Variants in CBFA2T3 observed in about 807,000 individuals in gnomAD.
CBFA2T3 encodes CBFA2/RUNX1 partner transcriptional co-repressor 3.
CBFA2T3 carries 31 observed loss-of-function variants against 58.6 expected under a neutral mutation model. The ratio of observed to expected loss-of-function variants is 0.53; its 90% confidence interval spans 0.40 to 0.71. The LOEUF (loss-of-function observed/expected upper bound fraction) is 0.71. Ranked by LOEUF, CBFA2T3 falls within the 30% of genes least tolerant of loss-of-function variation. The pLI, the probability that CBFA2T3 is intolerant of heterozygous loss-of-function variation, is 0.00. For synonymous variants in CBFA2T3, 531 were observed against 421.9 expected, an observed-to-expected ratio of 1.26 and a Z score of -3.17; for missense variants, 1,076 against 963.1, an observed-to-expected ratio of 1.12 and a Z score of -1.55.
Position 88,898,079 on chromosome 16 carries a change from GAGAC to G in CBFA2T3, c.374_377del (p.Cys125SerfsTer2). On this transcript the variant is annotated frameshift_variant and splice_region_variant, in exon 3 of 12. Transcript: ENST00000268679. LOFTEE classifies it high-confidence loss of function. Reference sequence around the variant, plus strand: ...TGCGGTTTTTGTTATTTTACTTACAGAGACAGACCATAGACCATTTTAAGCAGCC... The same window carrying G: ...TGCGGTTTTTGTTATTTTACTTACAGAGACCATAGACCATTTTAAGCAGCC... The G allele has an allele frequency of 6.2e-7, 1 of 1,610,968 alleles. No homozygotes were observed. Among genetic ancestry groups the G allele is most frequent in the Non-Finnish European group, 8.5e-7 (1 of 1,177,826 alleles).
intron 1 of CBFA2T3, among the ~76,000 whole-genome samples, chr16:88,957,437 G>A (rs572105353): frequency 2.0e-5 from 3 of 152,288 alleles, no homozygotes; most frequent in East Asian, 3.9e-4. Context: ...AAACGGGGTC[G>A]GAGCTTGCAC....
chr16:88,890,883 T>C (rs1969603641), intron 5 of CBFA2T3, among the ~76,000 whole-genome samples: 1 of 152,090 alleles, frequency 6.6e-6, no homozygotes, highest in African/African-American at 2.4e-5. Flanking sequence ...TCAGCTAATT[T>C]TTATATTTTT....
Position 88,976,957 on chromosome 16 carries a change from A to G in CBFA2T3, c.-150T>C. 2 of 956,034 alleles carry G rather than the reference A, an allele frequency of 2.1e-6. No individual in the cohort carries two copies. The highest frequency in any genetic ancestry group is 3.0e-6 in the Non-Finnish European group (2 of 664,822). The allele number at this position is 956,034 out of a possible 1,614,324, so 59.2% of individuals were successfully genotyped here. On this transcript the variant is annotated 5_prime_UTR_variant, in exon 1 of 12. Transcript: ENST00000268679. The stretch of plus-strand genomic sequence containing the variant: ...TTGGGCCTCTGTCCCTGGAAAGCCG[A>G]GGCCCTCCCGGCCACCAACTGGGTG...
chr16:88,892,897 G>A (rs1043015047), intron 3 of CBFA2T3, among the ~76,000 whole-genome samples: 2 of 152,170 alleles, frequency 1.3e-5, no homozygotes, highest in Non-Finnish European at 2.9e-5. Context: ...CTTGCTCTGG[G>A]GCTGAAGTCA....
At chr16:88,896,730 G>A (rs534893960) in intron 3 of CBFA2T3, among the ~76,000 whole-genome samples, 20 of 152,310 alleles carry the variant, frequency 1.3e-4, no homozygotes, top group African/African-American at 4.6e-4. Flanking sequence ...CAGGACTGTG[G>A]ACCTTCCAGC....
Position 88,931,009 on chromosome 16 carries a change from G to A in CBFA2T3, c.152-29353C>T, listed in dbSNP as rs539151296. The stretch of plus-strand genomic sequence containing the variant: ...CTCCACGATGCTTAAAATGATAAAC[G>A]TTATGTGTATTTTCCCACAATTAAA... On this transcript the variant is annotated intron_variant, in intron 1 of 11. Transcript: ENST00000268679. Among the ~76,000 whole-genome samples, 5 of 152,044 alleles carry A rather than the reference G, an allele frequency of 3.3e-5. 1 individual carries two copies. The highest frequency in any genetic ancestry group is 1.2e-4 in the African/African-American group (5 of 41,418).
intron 1 of CBFA2T3, among the ~76,000 whole-genome samples, chr16:88,971,902 A>G (rs1432509735): frequency 6.6e-6 from 1 of 152,200 alleles, no homozygotes; most frequent in Admixed American, 6.5e-5. Context: ...ACCCCTGCCC[A>G]GCGCCCAGGC....
intron 1 of CBFA2T3, among the ~76,000 whole-genome samples, chr16:88,906,978 G>A (rs529792998): frequency 1.3e-5 from 2 of 151,154 alleles, no homozygotes; most frequent in Admixed American, 6.6e-5. Context: ...TGGGTGGCCC[G>A]TCACCATACA....
At chr16:88,930,666 G>A (rs866714352) in intron 1 of CBFA2T3, among the ~76,000 whole-genome samples, 1 of 145,586 alleles carries the variant, frequency 6.9e-6, no homozygotes, top group Non-Finnish European at 1.5e-5. Flanking sequence ...GGGGCAGACT[G>A]AGGGCTGGGG....
chr16:88,881,527 G>A (rs558848178), intron 8 of CBFA2T3, 38 bp from the exon 9 acceptor site: 14 of 1,575,294 alleles, frequency 8.9e-6, no homozygotes, highest in East Asian at 4.5e-5. Context: ...ACCTCAGAGG[G>A]ACCGGGACGC....
chr16:88,908,124 T>G (rs146820524), intron 1 of CBFA2T3, among the ~76,000 whole-genome samples: 3 of 152,106 alleles, frequency 2.0e-5, no homozygotes, highest in Non-Finnish European at 2.9e-5. Context: ...GGCAAACCAC[T>G]TGAGGTCAGG....
At chr16:88,949,970 C>T (rs1021188097) in intron 1 of CBFA2T3, among the ~76,000 whole-genome samples, 1 of 152,080 alleles carries the variant, frequency 6.6e-6, no homozygotes, top group African/African-American at 2.4e-5. Flanking sequence ...AATGGTGCCA[C>T]TGCACTCCAG....
intron 1 of CBFA2T3, among the ~76,000 whole-genome samples, chr16:88,936,289 C>A (rs1468094468): frequency 6.6e-6 from 1 of 152,226 alleles, no homozygotes; most frequent in Non-Finnish European, 1.5e-5. Context: ...CCACCTGCTG[C>A]CTCCCCGGTG....
At position 88,971,650 on chromosome 16, in the gene CBFA2T3, C is replaced by T. The variant is rs146352324; in HGVS notation, c.151+5007G>A. ...GGCCGGCCTCTGGCTTTGTAACAGT[C>T]GACCTGAGTGACCCAGTCCACAGCT... On this transcript the variant is annotated intron_variant, in intron 1 of 11. Transcript: ENST00000268679. 1.2e-4 allele frequency among the ~76,000 whole-genome samples: 19 copies of T among 152,348 alleles called. No individual in the cohort carries two copies. In the East Asian group the frequency reaches 2.9e-3, roughly 23 times the overall value.
Position 88,901,515 on chromosome 16 carries a change from G to T in CBFA2T3, c.293C>A (p.Thr98Lys). Residue 98 changes from threonine to lysine, a missense_variant, in exon 2 of 12, where the codon ACG (threonine) becomes AAG (lysine). Physicochemically the swap from Thr to Lys is moderately conservative, Grantham distance 78. Transcript: ENST00000268679. The part of the protein sequence containing the change: ...SQGATRPPSF[T>K]PHTHREDGPA... ...TGGGGGCTACTTACGTGTGTGTGGC[G>T]TGAAGGAGGGGGGGCGTGTGGCCCC... The T allele has an allele frequency of 1.4e-6, 2 of 1,474,850 alleles. No homozygotes were observed. Among genetic ancestry groups the T allele is most frequent in the Non-Finnish European group, 9.0e-7 (1 of 1,116,712 alleles). The allele number at this position is 1,474,850 out of a possible 1,614,324, so 91.4% of individuals were successfully genotyped here.
chr16:88,976,779 G>T lies in CBFA2T3; in HGVS notation c.29C>A (p.Ala10Glu). Residue 10 changes from alanine to glutamate, a missense_variant, in exon 1 of 12, where the codon GCA becomes GAA. By Grantham distance (107) the Ala-to-Glu change is moderately radical (BLOSUM62 -1). Transcript: ENST00000268679. MPASRLRDR[A>E]ASSASGSTCG... The stretch of plus-strand genomic sequence containing the variant: ...GGTGGATCCCGAGGCTGAACTGGCT[G>T]CCCTGTCCCTCAGTCTTGAAGCCGG... 1 of 1,556,082 alleles carries T rather than the reference G, an allele frequency of 6.4e-7. No individual in the cohort carries two copies. The highest frequency in any genetic ancestry group is 2.4e-5 in the East Asian group (1 of 41,952).
chr16:88,912,067 A>C lies in CBFA2T3; in HGVS notation c.152-10411T>G, dbSNP rs547641624. On this transcript the variant is annotated intron_variant, in intron 1 of 11. Transcript: ENST00000268679. Reference sequence around the variant, plus strand: ...GAACCGTAGCAGACGAAAATCTCACAAACTCCCTCCGGGCCCCGGCCCAGG... The same window carrying C: ...GAACCGTAGCAGACGAAAATCTCACCAACTCCCTCCGGGCCCCGGCCCAGG... 5.3e-5 allele frequency among the ~76,000 whole-genome samples: 8 copies of C among 152,334 alleles called. No homozygotes were observed. The South Asian group carries it at 1.0e-3, about 20-fold the overall frequency.
At position 88,912,720 on chromosome 16, in the gene CBFA2T3, C is replaced by G. The variant is rs150235975; in HGVS notation, c.152-11064G>C. On this transcript the variant is annotated intron_variant, in intron 1 of 11. Transcript: ENST00000268679. ...AGGTTTGCTGACTGGCGCATAAGGA[C>G]AAAGCCCCCTATCTGCCTCCCCTGG... Among the ~76,000 whole-genome samples the G allele has an allele frequency of 6.0e-3, 910 of 152,354 alleles. 19 individuals carry two copies. Among genetic ancestry groups the G allele is most frequent in the Non-Finnish European group, 1.8e-3 (120 of 68,030 alleles).
chr16:88,901,200 C>T (rs1239016396), intron 2 of CBFA2T3, among the ~76,000 whole-genome samples: 2 of 152,242 alleles, frequency 1.3e-5, no homozygotes, highest in East Asian at 1.9e-4. Flanking sequence ...GACCCATGGC[C>T]GGCCCTGGTG....
Sources: allele counts gnomAD v4.1 joint callset (sites outside exome capture counted in the v4.1 genomes callset), GRCh38; gene constraint gnomAD v4.1.1; transcripts MANE v1.5; gene names NCBI Gene and HGNC (gene_info 2026-07-23, HGNC 2026-07-21).